KIAA1549L: variants seen among roughly 807,000 people sequenced by gnomAD.
KIAA1549L encodes KIAA1549 like.
In KIAA1549L, 88 loss-of-function variants were observed where a neutral mutation model predicts 160.7. The observed-to-expected ratio is 0.55, with a 90% confidence interval of 0.46 to 0.65. The LOEUF is 0.65. Among genes scored for constraint, KIAA1549L ranks in the 30% least tolerant of loss-of-function variants. The pLI, the probability that KIAA1549L is intolerant of heterozygous loss-of-function variation, is 0.00. For synonymous variants in KIAA1549L, 950 were observed against 976.7 expected (o/e 0.97, Z 0.51); for missense variants, 2,258 against 2,437.5 (o/e 0.93, Z 1.55).
intron 13 of KIAA1549L, among the ~76,000 whole-genome samples, chr11:33,604,572 CA>C (rs1850448279): frequency 6.6e-6 from 1 of 152,064 alleles, no homozygotes; most frequent in Non-Finnish European, 1.5e-5. Context: ...GCCCATCGAC[CA>C]ATAAAGAAAA....
At chr11:33,447,156 G>A (rs756971359) in intron 1 of KIAA1549L, among the ~76,000 whole-genome samples, 4 of 152,198 alleles carry the variant, frequency 2.6e-5, no homozygotes, top group Non-Finnish European at 4.4e-5. Flanking sequence ...CCTGGACAAA[G>A]GAGAGTGTTC....
At chr11:33,405,505 C>G (rs1200547373) in intron 1 of KIAA1549L, among the ~76,000 whole-genome samples, 3 of 128,384 alleles carry the variant, frequency 2.3e-5, no homozygotes, top group African/African-American at 9.2e-5. Flanking sequence ...TGTTATTTCC[C>G]TACACTTTTT....
chr11:33,429,475 G>A (rs1851187562), intron 1 of KIAA1549L, among the ~76,000 whole-genome samples: 1 of 152,134 alleles, frequency 6.6e-6, no homozygotes, highest in Non-Finnish European at 1.5e-5. Flanking sequence ...GGTCACCAGT[G>A]ACCTCCCAAT....
At chr11:33,573,251 C>T (rs1442082342) in intron 9 of KIAA1549L, among the ~76,000 whole-genome samples, 2 of 152,158 alleles carry the variant, frequency 1.3e-5, no homozygotes, top group East Asian at 3.8e-4. Context: ...CTTACCTTAT[C>T]CCAATAGCCT....
At chr11:33,548,252 A>C (rs1470617073) in intron 4 of KIAA1549L, among the ~76,000 whole-genome samples, 2 of 152,196 alleles carry the variant, frequency 1.3e-5, no homozygotes, top group Non-Finnish European at 2.9e-5. Flanking sequence ...TACAAAAATT[A>C]GCTGGGCGTG....
At chr11:33,644,248 G>A (rs61486803) in intron 16 of KIAA1549L, among the ~76,000 whole-genome samples, 9,244 of 152,202 alleles carry the variant, frequency 0.061, 953 homozygotes, top group African/African-American at 0.21. Context: ...GACAAGAAAC[G>A]TGTAATTTTT....
intron 1 of KIAA1549L, among the ~76,000 whole-genome samples, chr11:33,409,263 T>C (rs1353783366): frequency 2.0e-5 from 3 of 152,184 alleles, no homozygotes; most frequent in African/African-American, 7.2e-5. Flanking sequence ...TATACAAAAG[T>C]ACTGGATTTG....
intron 1 of KIAA1549L, among the ~76,000 whole-genome samples, chr11:33,476,697 C>G (rs1565152061): frequency 6.6e-6 from 1 of 152,290 alleles, no homozygotes; most frequent in East Asian, 1.9e-4. Context: ...CGCATTGCCC[C>G]CAACCTCCCA....
chr11:33,645,830 C>G lies in KIAA1549L; in HGVS notation c.5554C>G (p.His1852Asp). 1.2e-6 allele frequency: 2 copies of G among 1,613,976 alleles called. No homozygotes were observed. Among genetic ancestry groups the G allele is most frequent in the Non-Finnish European group, 1.7e-6 (2 of 1,179,896 alleles). ...PSIDEVRQQM[H>D]MLLEEAFSLA... ...CATCGACGAGGTCAGGCAGCAGATGCACATGCTGCTGGAGGAGGCCTTCAG... is the reference window on the plus strand; with the variant it reads ...CATCGACGAGGTCAGGCAGCAGATGGACATGCTGCTGGAGGAGGCCTTCAG... The change falls in exon 17 of 21, where the codon CAC (histidine) becomes GAC (aspartate). Residue 1852 changes from histidine (H) to aspartate (D), a missense_variant. By Grantham distance (81) the His-to-Asp change is moderately conservative. Around this residue, in one of 6 missense-constraint regions of KIAA1549L, gnomAD observed 1,359 missense variants for 1,546.6 expected, o/e 0.88. Transcript: ENST00000658780.
chr11:33,389,729 C>A (rs1399815130), intron 1 of KIAA1549L, among the ~76,000 whole-genome samples: 1 of 152,226 alleles, frequency 6.6e-6, no homozygotes, highest in Non-Finnish European at 1.5e-5. Flanking sequence ...CTTTTCCCTG[C>A]AGAGACAACA....
intron 1 of KIAA1549L, among the ~76,000 whole-genome samples, chr11:33,488,496 C>T (rs1852581485): frequency 6.6e-6 from 1 of 152,272 alleles, no homozygotes; most frequent in Non-Finnish European, 1.5e-5. Context: ...TAGTTACTAG[C>T]ATTGATTAAT....
At chr11:33,540,222 TC>T (rs1272489347) in intron 1 of KIAA1549L, among the ~76,000 whole-genome samples, 1 of 152,190 alleles carries the variant, frequency 6.6e-6, no homozygotes, top group Non-Finnish European at 1.5e-5. Context: ...GCCTGTAGCA[TC>T]CTTTTCCTGA....
intron 1 of KIAA1549L, among the ~76,000 whole-genome samples, chr11:33,484,644 T>C (rs2133054430): frequency 6.6e-6 from 1 of 151,994 alleles, no homozygotes; most frequent in Admixed American, 6.6e-5. Flanking sequence ...TGGACGGAGG[T>C]GAGCATCCCA....
At chr11:33,559,332 A>G (rs1302052208) in intron 6 of KIAA1549L, among the ~76,000 whole-genome samples, 1 of 152,218 alleles carries the variant, frequency 6.6e-6, no homozygotes, top group East Asian at 1.9e-4. Flanking sequence ...TCACAAAAGT[A>G]ACCTGAGACT....
At chr11:33,593,088 T>C (rs529487393) in intron 12 of KIAA1549L, among the ~76,000 whole-genome samples, 4 of 152,152 alleles carry the variant, frequency 2.6e-5, no homozygotes, top group South Asian at 2.1e-4. Context: ...TCAGATGTCA[T>C]TGGGGGGTTT....
At chr11:33,435,955 AAT>A (rs1287899711) in intron 1 of KIAA1549L, among the ~76,000 whole-genome samples, 6 of 125,760 alleles carry the variant, frequency 4.8e-5, no homozygotes, top group Admixed American at 1.7e-4. Context: ...TCAGAGCTAA[AAT>A]ATCTAAAAAA....
At position 33,542,607 on chromosome 11, in the gene KIAA1549L, G is replaced by A. The variant is rs367828392; in HGVS notation, c.1044G>A (p.Met348Ile). Reference sequence around the variant, plus strand: ...CCACACCTGGGTTTTTGAGCCCCATGGCAGAACTGTCCCATCCGTCTCCCC... The same window carrying A: ...CCACACCTGGGTTTTTGAGCCCCATAGCAGAACTGTCCCATCCGTCTCCCC... ...GSSTPGFLSPMAELSHPSPPP... is the reference protein window; with the variant it reads ...GSSTPGFLSPIAELSHPSPPP... The change falls in exon 2 of 21, where the codon ATG (methionine) becomes ATA (isoleucine). Residue 348 changes from methionine to isoleucine, a missense_variant. Transcript: ENST00000658780. 23 of 1,613,808 alleles carry A rather than the reference G, an allele frequency of 1.4e-5. No individual in the cohort carries two copies. Among genetic ancestry groups the A allele is most frequent in the South Asian group, 2.2e-5 (2 of 91,078 alleles).
chr11:33,391,702 A>G (rs1032571661), intron 1 of KIAA1549L, among the ~76,000 whole-genome samples: 1 of 152,184 alleles, frequency 6.6e-6, no homozygotes, highest in African/African-American at 2.4e-5. Context: ...AGCTCTCACA[A>G]CGGGTCGTGT....
intron 1 of KIAA1549L, among the ~76,000 whole-genome samples, chr11:33,499,822 G>A (rs1475523198): frequency 6.6e-6 from 1 of 152,210 alleles, no homozygotes; most frequent in Admixed American, 6.5e-5. Context: ...ACAGCCCTAT[G>A]GTAGTGATAG....
Sources: gnomAD v4.1 joint callset for allele counts (sites outside exome capture counted in the v4.1 genomes callset) on GRCh38, gnomAD v4.1.1 for gene constraint, gnomAD v4.1.1 regional missense constraint, MANE v1.5 for transcripts, NCBI Gene and HGNC (gene_info 2026-07-23, HGNC 2026-07-21) for gene names.